Variants in SORCS2 observed in about 807,000 individuals in gnomAD.
SORCS2 encodes sortilin related VPS10 domain containing receptor 2.
SORCS2 carries 100 observed loss-of-function variants against 141.6 expected under a neutral mutation model. The observed-to-expected ratio is 0.71, with a 90% CI of 0.60 to 0.83. SORCS2 has a LOEUF of 0.83. SORCS2 is among the 40% of genes least tolerant of loss of function. The probability of loss-of-function intolerance (pLI) is 0.00; values close to 1 mark genes in which losing one functional copy is unlikely to be tolerated. For missense variants in SORCS2, 1,646 were observed against 1,560.2 expected, an observed-to-expected ratio of 1.05 and a Z score of -0.93; for synonymous variants, 789 against 676.9, an observed-to-expected ratio of 1.17 and a Z score of -2.57.
At chr4:7,381,242 C>T (rs1722977573) in intron 1 of SORCS2, among the ~76,000 whole-genome samples, 1 of 152,212 alleles carries the variant, frequency 6.6e-6, no homozygotes, top group Non-Finnish European at 1.5e-5. Context: ...TGACTCCTGG[C>T]TCTCTTTGGA....
intron 2 of SORCS2, among the ~76,000 whole-genome samples, chr4:7,473,611 T>A (rs896879538): frequency 5.3e-5 from 8 of 152,044 alleles, no homozygotes; most frequent in Admixed American, 2.0e-4. Context: ...CAGAATCGGG[T>A]CACAAAGGGC....
Position 7,434,585 on chromosome 4 carries a change from G to A in SORCS2, c.548+38230G>A, listed in dbSNP as rs61733528. 0.013 allele frequency: 21,063 copies of A among 1,613,434 alleles called. 2,152 individuals are homozygous for A. In the African/African-American group the frequency reaches 0.24, roughly 18 times the overall value. Reference sequence around the variant, plus strand: ...CATCCGGCTGAAGACTCCTGGCTGGGGAGCCACTCACAGGTCTTCATCACC... The same window carrying A: ...CATCCGGCTGAAGACTCCTGGCTGGAGAGCCACTCACAGGTCTTCATCACC... On this transcript the variant is annotated intron_variant, in intron 2 of 26. Transcript: ENST00000507866.
intron 2 of SORCS2, among the ~76,000 whole-genome samples, chr4:7,472,927 A>AC (rs1730068611): frequency 6.6e-6 from 1 of 151,758 alleles, no homozygotes; most frequent in Non-Finnish European, 1.5e-5. Context: ...ATAAAAAAAA[A>AC]AACAAAATAG....
chr4:7,383,066 G>A (rs3889117), intron 1 of SORCS2, among the ~76,000 whole-genome samples: 1,757 of 152,168 alleles, frequency 0.012, 18 homozygotes, highest in Middle Eastern at 0.085. Context: ...CCAGCGCTTC[G>A]ATCCCACGGA....
chr4:7,434,190 C>T (rs1727110237), intron 2 of SORCS2: 1 of 1,613,786 alleles, frequency 6.2e-7, no homozygotes, highest in Middle Eastern at 1.6e-4. Flanking sequence ...GGACAAAAAA[C>T]TGGAAGAGGT....
chr4:7,680,322 C>T (rs752828198), intron 9 of SORCS2, among the ~76,000 whole-genome samples: 6 of 152,240 alleles, frequency 3.9e-5, no homozygotes, highest in Non-Finnish European at 7.3e-5. Context: ...TCCCAGCCGC[C>T]GGCAGCTCCT....
chr4:7,380,570 G>A lies in SORCS2; in HGVS notation c.481-15718G>A, dbSNP rs572641844. On this transcript the variant is annotated intron_variant, in intron 1 of 26. Transcript: ENST00000507866. ...GCATCTGATGGCTTTAAAGCCCAGG[G>A]CAAGGACGTCAATGTGGTTTCCGTC... Among the ~76,000 whole-genome samples the A allele has an allele frequency of 1.7e-3, 264 of 152,344 alleles. 2 individuals are homozygous for A. Among genetic ancestry groups the A allele is most frequent in the African/African-American group, 6.2e-3 (256 of 41,578 alleles).
At chr4:7,736,516 G>A (rs1205491907) in intron 25 of SORCS2, among the ~76,000 whole-genome samples, 5 of 152,302 alleles carry the variant, frequency 3.3e-5, no homozygotes, top group Non-Finnish European at 5.9e-5. Flanking sequence ...GTGGGGTGTC[G>A]TGCATGAAGG....
intron 2 of SORCS2, chr4:7,433,488 C>A (rs1057251961): frequency 6.3e-7 from 1 of 1,592,366 alleles, no homozygotes; most frequent in African/African-American, 1.3e-5. Context: ...CCCCCACCTT[C>A]TTGCACACAG....
At chr4:7,653,332 C>T (rs1577900280) in intron 4 of SORCS2, among the ~76,000 whole-genome samples, 2 of 152,210 alleles carry the variant, frequency 1.3e-5, no homozygotes, top group South Asian at 2.1e-4. Context: ...CAACCTCCGC[C>T]TCCTGGGTTC....
intron 2 of SORCS2, among the ~76,000 whole-genome samples, chr4:7,509,557 C>T (rs930271718): frequency 2.0e-5 from 3 of 152,208 alleles, no homozygotes; most frequent in East Asian, 3.9e-4. Context: ...CTGCGGTCGA[C>T]GCTGGGGCCT....
At position 7,531,557 on chromosome 4, in the gene SORCS2, C is replaced by G. The variant is rs762354983; in HGVS notation, c.576C>G (p.Thr192=). The G allele has an allele frequency of 6.2e-7, 1 of 1,613,914 alleles. No individual in the cohort carries two copies. The highest frequency in any genetic ancestry group is 8.5e-7 in the Non-Finnish European group (1 of 1,179,850). Reference sequence around the variant, plus strand: ...CATCAGATTTCGGGACGTCCTACACCAAGCTCACCCTCCAGCCTGGTGTCA... The same window carrying G: ...CATCAGATTTCGGGACGTCCTACACGAAGCTCACCCTCCAGCCTGGTGTCA... ...WRSSDFGTSY[T]KLTLQPGVTT... The change falls in exon 3 of 27, where the codon ACC becomes ACG. Residue 192 remains threonine (T), a synonymous_variant. Coordinates refer to ENST00000507866, the MANE Select transcript of SORCS2 (RefSeq NM_020777.3).
At chr4:7,596,827 AG>A (rs1322524621) in intron 3 of SORCS2, among the ~76,000 whole-genome samples, 1 of 152,146 alleles carries the variant, frequency 6.6e-6, no homozygotes, top group Non-Finnish European at 1.5e-5. Context: ...TGGACTGCTC[AG>A]GCCACGCAGT....
In SORCS2 at chr4:7,233,190, C is replaced by T. The variant is rs533859793; in HGVS notation, c.480+40064C>T. On this transcript the variant is annotated intron_variant, in intron 1 of 26. Coordinates refer to ENST00000507866, the MANE Select transcript of SORCS2 (RefSeq NM_020777.3). The surrounding 1 kb of genome is among the most constrained non-coding windows in gnomAD (Gnocchi z 4.5). ...GTACTGTCACTGCAGGCAGCAGGAACGGCACGGCAGAGGGAGCCTTCCAGA... is the reference window on the plus strand; with the variant it reads ...GTACTGTCACTGCAGGCAGCAGGAATGGCACGGCAGAGGGAGCCTTCCAGA... 2.1e-3 allele frequency among the ~76,000 whole-genome samples: 318 copies of T among 152,170 alleles called. 3 individuals are homozygous for T. Among genetic ancestry groups the T allele is most frequent in the African/African-American group, 6.8e-3 (284 of 41,526 alleles).
chr4:7,574,150 A>C (rs1006745734), intron 3 of SORCS2, among the ~76,000 whole-genome samples: 1 of 152,260 alleles, frequency 6.6e-6, no homozygotes, highest in African/African-American at 2.4e-5. Flanking sequence ...AGTTCCCCCC[A>C]GAAGCTCGAG....
At chr4:7,457,000 C>T (rs375114593) in intron 2 of SORCS2, among the ~76,000 whole-genome samples, 36 of 152,214 alleles carry the variant, frequency 2.4e-4, no homozygotes, top group South Asian at 2.1e-3. Context: ...GGGTGAAGGC[C>T]GAGCCTGACA....
At chr4:7,323,476 G>C (rs1719034949) in intron 1 of SORCS2, among the ~76,000 whole-genome samples, 1 of 152,150 alleles carries the variant, frequency 6.6e-6, no homozygotes, top group Admixed American at 6.5e-5. Flanking sequence ...ATCCTGAGGA[G>C]ACCACGTTCA....
chr4:7,646,695 C>A lies in SORCS2; in HGVS notation c.814-7439C>A, dbSNP rs189338933. On this transcript the variant is annotated intron_variant, in intron 4 of 26. Transcript: ENST00000507866. ...GACCACATAAAGACGAGGGAGAAGGCGGCGTTTGCAAGCCGAGGAGGGAGA... is the reference window on the plus strand; with the variant it reads ...GACCACATAAAGACGAGGGAGAAGGAGGCGTTTGCAAGCCGAGGAGGGAGA... Among the ~76,000 whole-genome samples, 24 of 152,270 alleles carry A rather than the reference C, an allele frequency of 1.6e-4. No individual in the cohort carries two copies. The East Asian group carries it at 4.6e-3, about 29-fold the overall frequency.
At chr4:7,694,916 C>T (rs751432438) in intron 11 of SORCS2, among the ~76,000 whole-genome samples, 7 of 151,868 alleles carry the variant, frequency 4.6e-5, no homozygotes, top group Non-Finnish European at 7.4e-5. Flanking sequence ...CTCGGAGGCT[C>T]TTTCCTGCCT....
Sources: gnomAD v4.1 joint callset for allele counts (sites outside exome capture counted in the v4.1 genomes callset) on GRCh38, gnomAD v4.1.1 for gene constraint, Gnocchi (gnomAD v3.1) non-coding constraint, MANE v1.5 for transcripts, NCBI Gene and HGNC (gene_info 2026-07-23, HGNC 2026-07-21) for gene names.